Variants in KCNH5 observed in about 807,000 individuals in gnomAD.
KCNH5 encodes potassium voltage-gated channel subfamily H member 5.
In KCNH5, 46 loss-of-function variants were observed where a neutral mutation model predicts 96.1. The observed-to-expected ratio is 0.48, with a 90% confidence interval of 0.38 to 0.61. The LOEUF (loss-of-function observed/expected upper bound fraction) is 0.61. Among genes scored for constraint, KCNH5 ranks in the 20% least tolerant of loss-of-function variants. The probability of loss-of-function intolerance (pLI) is 0.00; values close to 1 mark genes in which losing one functional copy is unlikely to be tolerated. For missense variants in KCNH5, 907 were observed against 1,225.8 expected (o/e 0.74, Z 3.88); for synonymous variants, 439 against 449.8 (o/e 0.98, Z 0.30).
intron 6 of KCNH5, among the ~76,000 whole-genome samples, chr14:62,962,620 G>T (rs946876396): frequency 6.6e-6 from 1 of 152,150 alleles, no homozygotes; most frequent in South Asian, 2.1e-4. Flanking sequence ...AGAAGAACTT[G>T]TTGAGTCACC....
intron 7 of KCNH5, among the ~76,000 whole-genome samples, chr14:62,874,696 T>C (rs1888333234): frequency 6.8e-6 from 1 of 147,934 alleles, no homozygotes; most frequent in African/African-American, 2.5e-5. Flanking sequence ...TATTTCAAAA[T>C]AATAAGAGCT....
intron 10 of KCNH5, among the ~76,000 whole-genome samples, chr14:62,722,775 CTG>C (rs1884842565): frequency 6.6e-6 from 1 of 152,196 alleles, no homozygotes; most frequent in African/African-American, 2.4e-5. Flanking sequence ...CCTTGCAACT[CTG>C]TACATCAGTC....
In KCNH5 at chr14:62,707,837, C is replaced by A. The variant is rs1209063708; in HGVS notation, c.2638G>T (p.Glu880Ter). 1 of 1,614,002 alleles carries A rather than the reference C, an allele frequency of 6.2e-7. No individual in the cohort carries two copies. The highest frequency in any genetic ancestry group is 8.5e-7 in the Non-Finnish European group (1 of 1,180,030). ...KSDLRLDKAG[E>*]ARSPLEHSPI... ...CTGTGCTCTAGCGGACTTCGGGCCT[C>A]CCCAGCCTTATCCAAACGAAGGTCA... Residue 880 changes from glutamate to a stop codon, truncating the protein, a stop_gained, in exon 11 of 11, where the codon GAG (glutamate) becomes TAG (stop). Coordinates refer to ENST00000322893, the MANE Select transcript of KCNH5 (RefSeq NM_139318.5). LOFTEE classifies it high-confidence loss of function.
intron 8 of KCNH5, among the ~76,000 whole-genome samples, chr14:62,824,496 G>T (rs193212563): frequency 6.6e-6 from 1 of 151,780 alleles, no homozygotes. Context: ...TTCAAAAAAC[G>T]CTTTTTTTTT....
At chr14:63,037,460 C>A (rs1303722982) in intron 1 of KCNH5, among the ~76,000 whole-genome samples, 2 of 152,118 alleles carry the variant, frequency 1.3e-5, no homozygotes. Context: ...GAGAGCCAAG[C>A]AAAAGGATCA....
chr14:62,980,877 C>G lies in KCNH5; in HGVS notation c.937G>C (p.Asp313His). 6.2e-7 allele frequency: 1 copy of G among 1,613,148 alleles called. No homozygotes were observed. Among genetic ancestry groups the G allele is most frequent in the African/African-American group, 1.3e-5 (1 of 74,968 alleles). The change falls in exon 6 of 11, where the codon GAT becomes CAT. Residue 313 changes from aspartate to histidine, a missense_variant. By Grantham distance (81) the Asp-to-His change is moderately conservative (BLOSUM62 -1). Coordinates refer to ENST00000322893, the MANE Select transcript of KCNH5 (RefSeq NM_139318.5). ...YDIINAFENV[D>H]EGISSLFSSL... ...AACCAAAACGAAAAACTTACCTCAT[C>G]CACATTTTCAAAGGCATTGATGATG...
At position 62,812,392 on chromosome 14, in the gene KCNH5, C is replaced by T. The variant is rs149812699; in HGVS notation, c.1570-9811G>A. Among the ~76,000 whole-genome samples, 432 of 152,218 alleles carry T rather than the reference C, an allele frequency of 2.8e-3. 11 individuals carry two copies. Among genetic ancestry groups the T allele is most frequent in the Admixed American group, 0.024 (367 of 15,246 alleles). ...AATATGTTGATAAAGACATAGGATT[C>T]ACTGTTAAGTTGTTATATCACATTA... is the stretch of plus-strand genomic sequence containing the variant. On this transcript the variant is annotated intron_variant, in intron 8 of 10. Transcript: ENST00000322893.
At chr14:62,882,254 C>A (rs1888509485) in intron 7 of KCNH5, among the ~76,000 whole-genome samples, 6 of 151,822 alleles carry the variant, frequency 4.0e-5, no homozygotes, top group Admixed American at 3.9e-4. Context: ...CAGAGTGATA[C>A]CTGTCTCAAA....
intron 6 of KCNH5, among the ~76,000 whole-genome samples, chr14:62,957,408 C>T (rs1890124531): frequency 6.6e-6 from 1 of 152,168 alleles, no homozygotes; most frequent in African/African-American, 2.4e-5. Context: ...GGAATACAGA[C>T]TTGTCATACC....
At position 62,827,640 on chromosome 14, in the gene KCNH5, G is replaced by C. The variant is rs138298209; in HGVS notation, c.1569+22013C>G. Among the ~76,000 whole-genome samples the C allele has an allele frequency of 3.4e-3, 513 of 152,174 alleles. 4 individuals are homozygous for C. Among genetic ancestry groups the C allele is most frequent in the African/African-American group, 0.011 (469 of 41,522 alleles). On this transcript the variant is annotated intron_variant, in intron 8 of 10. Coordinates refer to ENST00000322893, the MANE Select transcript of KCNH5 (RefSeq NM_139318.5). The stretch of plus-strand genomic sequence containing the variant: ...ATATATTACTATCAAGAAGTCTGTT[G>C]TCAACTTTGTCATTTTACTCTGTAA...
At chr14:62,811,133 A>C (rs142785436) in intron 8 of KCNH5, among the ~76,000 whole-genome samples, 115 of 152,294 alleles carry the variant, frequency 7.6e-4, no homozygotes, top group African/African-American at 2.7e-3. Context: ...ATTCTTTATG[A>C]TATTCACTAA....
intron 3 of KCNH5, among the ~76,000 whole-genome samples, chr14:63,003,625 T>TATATATATATATATATA (rs1491255743): frequency 9.6e-6 from 1 of 103,766 alleles, no homozygotes; most frequent in African/African-American, 4.5e-5. Flanking sequence ...TATATATATA[T>TATATATATATATATATA]TTTTTTTTTT....
At position 62,707,768 on chromosome 14, in the gene KCNH5, C is replaced by G; in HGVS notation, c.2707G>C (p.Glu903Gln). The G allele has an allele frequency of 6.2e-7, 1 of 1,614,026 alleles. No individual in the cohort carries two copies. The highest frequency in any genetic ancestry group is 8.5e-7 in the Non-Finnish European group (1 of 1,180,010). ...TGCAGTGTGGTCTGTAAGGCCTGCT[C>G]GGGGATGGGATAAAAGGGGTGCTTG... ...DAKHPFYPIP[E>Q]QALQTTLQEV... Residue 903 changes from glutamate (E) to glutamine (Q), a missense_variant, in exon 11 of 11, where the codon GAG becomes CAG. This residue lies in a region of KCNH5 where 362 missense variants were observed against 394.4 expected (regional missense o/e 0.92). Transcript: ENST00000322893.
chr14:62,915,740 C>A (rs541589473), intron 7 of KCNH5, among the ~76,000 whole-genome samples: 1 of 152,186 alleles, frequency 6.6e-6, no homozygotes, highest in Admixed American at 6.5e-5. Context: ...GTAATAAAAT[C>A]TTTTTATCGA....
At chr14:62,960,319 T>G (rs111422968) in intron 6 of KCNH5, among the ~76,000 whole-genome samples, 88 of 152,300 alleles carry the variant, frequency 5.8e-4, no homozygotes, top group African/African-American at 2.0e-3. Context: ...ATGACACTTG[T>G]CTCTTTGTGA....
At chr14:63,035,617 C>T (rs752040632) in intron 1 of KCNH5, among the ~76,000 whole-genome samples, 1 of 152,172 alleles carries the variant, frequency 6.6e-6, no homozygotes. Flanking sequence ...TTCTTTTGCT[C>T]TAGGCAGTAG....
intron 4 of KCNH5, among the ~76,000 whole-genome samples, chr14:62,989,854 T>C (rs1890777162): frequency 6.6e-6 from 1 of 152,122 alleles, no homozygotes; most frequent in South Asian, 2.1e-4. Flanking sequence ...TTTTGCTTTG[T>C]TTGGTAAAAG....
At chr14:62,743,921 A>G (rs1885324553) in intron 10 of KCNH5, among the ~76,000 whole-genome samples, 1 of 152,216 alleles carries the variant, frequency 6.6e-6, no homozygotes, top group Non-Finnish European at 1.5e-5. Flanking sequence ...TAAATAAAGG[A>G]ACAAGAAATA....
At chr14:62,968,400 C>T (rs967950445) in intron 6 of KCNH5, among the ~76,000 whole-genome samples, 1 of 152,196 alleles carries the variant, frequency 6.6e-6, no homozygotes, top group Non-Finnish European at 1.5e-5. Context: ...GTCCACAATA[C>T]TTTGCACTCC....
Sources: gnomAD v4.1 joint callset for allele counts (sites outside exome capture counted in the v4.1 genomes callset) on GRCh38, gnomAD v4.1.1 for gene constraint, gnomAD v4.1.1 regional missense constraint, MANE v1.5 for transcripts, NCBI Gene and HGNC (gene_info 2026-07-23, HGNC 2026-07-21) for gene names.